ARHGAP15: variants seen among roughly 807,000 people sequenced by gnomAD.
ARHGAP15 encodes rho GTPase-activating protein 15.
ARHGAP15 carries 51 observed loss-of-function variants against 63.7 expected under a neutral mutation model. That is an observed-to-expected ratio of 0.80 (90% confidence interval 0.64 to 1.01). The LOEUF (loss-of-function observed/expected upper bound fraction) is 1.01. ARHGAP15 is among the 50% of genes least tolerant of loss of function. The pLI, the probability that ARHGAP15 is intolerant of heterozygous loss-of-function variation, is 0.00. For missense variants in ARHGAP15, 560 were observed against 564.6 expected (o/e 0.99, Z 0.08); for synonymous variants, 191 against 193.8 (o/e 0.99, Z 0.12).
chr2:143,336,256 GT>G (rs1684768248), intron 6 of ARHGAP15, among the ~76,000 whole-genome samples: 2 of 152,118 alleles, frequency 1.3e-5, no homozygotes, highest in South Asian at 4.1e-4. Flanking sequence ...AAACTTGGAT[GT>G]TTTTCCCTGG....
At chr2:143,202,808 G>T (rs1029126717) in intron 3 of ARHGAP15, among the ~76,000 whole-genome samples, 15 of 151,754 alleles carry the variant, frequency 9.9e-5, no homozygotes, top group Non-Finnish European at 1.3e-4. Context: ...AAAATTAATC[G>T]ACTCAACATC....
chr2:143,591,105 T>G (rs2105168732), intron 11 of ARHGAP15, among the ~76,000 whole-genome samples: 1 of 152,308 alleles, frequency 6.6e-6, no homozygotes, highest in East Asian at 1.9e-4. Flanking sequence ...GTTTGGGATA[T>G]CATGTGCATA....
intron 12 of ARHGAP15, among the ~76,000 whole-genome samples, chr2:143,688,485 G>A (rs1026198927): frequency 1.3e-5 from 2 of 152,144 alleles, no homozygotes; most frequent in African/African-American, 4.8e-5. Context: ...CAAGAGCTAA[G>A]TGGAAGCCAG....
chr2:143,693,197 A>G (rs1683689432), intron 12 of ARHGAP15, among the ~76,000 whole-genome samples: 1 of 152,214 alleles, frequency 6.6e-6, no homozygotes, highest in Non-Finnish European at 1.5e-5. Flanking sequence ...AGCAATATTA[A>G]ACACCACATC....
At chr2:143,256,523 C>T (rs931906786) in intron 6 of ARHGAP15, among the ~76,000 whole-genome samples, 2 of 151,950 alleles carry the variant, frequency 1.3e-5, no homozygotes, top group Non-Finnish European at 1.5e-5. Context: ...AGCATATCAC[C>T]TTGAAAGCCC....
intron 10 of ARHGAP15, among the ~76,000 whole-genome samples, chr2:143,528,837 C>T (rs758909116): frequency 8.6e-5 from 13 of 151,990 alleles, no homozygotes; most frequent in Non-Finnish European, 1.0e-4. Flanking sequence ...AGGCATTTGA[C>T]GATGTATTTG....
chr2:143,667,865 G>C (rs980456228), intron 12 of ARHGAP15, among the ~76,000 whole-genome samples: 18 of 151,936 alleles, frequency 1.2e-4, no homozygotes, highest in African/African-American at 4.4e-4. Context: ...GCATGTGCCT[G>C]TTGTGCCATC....
chr2:143,408,919 T>C (rs1032240494), intron 6 of ARHGAP15, among the ~76,000 whole-genome samples: 9 of 152,042 alleles, frequency 5.9e-5, no homozygotes, highest in Non-Finnish European at 8.8e-5. Context: ...AGATTTTTTG[T>C]TCATTTGGGA....
intron 1 of ARHGAP15, among the ~76,000 whole-genome samples, chr2:143,132,287 T>C (rs112416588): frequency 0.023 from 3,559 of 152,320 alleles, 51 homozygotes; most frequent in Non-Finnish European, 0.035. Context: ...GCAAAAGAGA[T>C]ATTCTTTTAT....
At chr2:143,710,417 A>G (rs760817917) in intron 13 of ARHGAP15, among the ~76,000 whole-genome samples, 1 of 152,154 alleles carries the variant, frequency 6.6e-6, no homozygotes, top group Non-Finnish European at 1.5e-5. Context: ...TTAAAATGTC[A>G]TCTACTTAGG....
intron 11 of ARHGAP15, 51 bp downstream of exon 11, chr2:143,556,536 A>G (rs1404445463): frequency 7.4e-7 from 1 of 1,352,460 alleles, no homozygotes; most frequent in Non-Finnish European, 1.1e-6. Context: ...ATATGGAACA[A>G]TATTTCATAC....
intron 10 of ARHGAP15, among the ~76,000 whole-genome samples, chr2:143,536,855 G>C (rs1486129891): frequency 2.0e-5 from 3 of 152,150 alleles, no homozygotes; most frequent in African/African-American, 2.4e-5. Context: ...TGTCTTTATA[G>C]CAGCATGATT....
chr2:143,553,254 AT>A (rs1167815281), intron 10 of ARHGAP15, among the ~76,000 whole-genome samples: 1 of 152,148 alleles, frequency 6.6e-6, no homozygotes, highest in Admixed American at 6.6e-5. Flanking sequence ...CTCCTTTTTA[AT>A]ATGTACTTTG....
chr2:143,530,404 G>C (rs147767187), intron 10 of ARHGAP15, among the ~76,000 whole-genome samples: 35 of 152,188 alleles, frequency 2.3e-4, no homozygotes, highest in African/African-American at 7.7e-4. Flanking sequence ...ATTTTTAATA[G>C]GGAGAAACCA....
At chr2:143,671,063 A>G (rs1204182561) in intron 12 of ARHGAP15, among the ~76,000 whole-genome samples, 2 of 152,344 alleles carry the variant, frequency 1.3e-5, no homozygotes, top group African/African-American at 4.8e-5. Context: ...CCATCTGAGA[A>G]AATCATGTGT....
intron 12 of ARHGAP15, among the ~76,000 whole-genome samples, chr2:143,657,721 G>A (rs1681530593): frequency 6.6e-6 from 1 of 151,990 alleles, no homozygotes; most frequent in South Asian, 2.1e-4. Flanking sequence ...CTATCATATC[G>A]CTTATTGCTT....
chr2:143,272,546 G>A (rs1279987960), intron 6 of ARHGAP15, among the ~76,000 whole-genome samples: 2 of 152,094 alleles, frequency 1.3e-5, no homozygotes, highest in African/African-American at 2.4e-5. Context: ...CCAGGTATTC[G>A]GGAGGCTGAG....
At chr2:143,527,361 C>T (rs1177810202) in intron 10 of ARHGAP15, among the ~76,000 whole-genome samples, 3 of 151,810 alleles carry the variant, frequency 2.0e-5, no homozygotes, top group Admixed American at 1.3e-4. Flanking sequence ...ATCTTATAGA[C>T]GAGTAGGCTA....
intron 11 of ARHGAP15, among the ~76,000 whole-genome samples, chr2:143,568,405 A>G (rs1374573294): frequency 1.3e-5 from 2 of 152,262 alleles, no homozygotes; most frequent in Non-Finnish European, 2.9e-5. Flanking sequence ...CAACAGACAT[A>G]TGAAAAAATG....
Sources: allele counts gnomAD v4.1 joint callset (sites outside exome capture counted in the v4.1 genomes callset), GRCh38; gene constraint gnomAD v4.1.1; transcripts MANE v1.5; gene names NCBI Gene and HGNC (gene_info 2026-07-23, HGNC 2026-07-21).